The following SPTB variants were observed in gnomAD, a reference collection of about 807,000 sequenced individuals.
The protein encoded by SPTB is spectrin beta, erythrocytic.
A neutral mutation model predicts 256.2 loss-of-function variants in SPTB; 45 were observed. The ratio of observed to expected loss-of-function variants is 0.18; its 90% CI spans 0.14 to 0.23. The LOEUF (loss-of-function observed/expected upper bound fraction) is 0.23. Ranked by LOEUF, SPTB falls within the 10% of genes least tolerant of loss-of-function variation. The probability of loss-of-function intolerance (pLI) is 1.00; values close to 1 mark genes in which losing one functional copy is unlikely to be tolerated. For missense variants in SPTB, 2,715 were observed against 3,040.4 expected, an observed-to-expected ratio of 0.89 and a Z score of 2.52; for synonymous variants, 1,231 against 1,243.1, an observed-to-expected ratio of 0.99 and a Z score of 0.21.
In SPTB at chr14:64,847,797, C is replaced by G. The variant is rs761012056; in HGVS notation, c.-51-24652G>C. Among the ~76,000 whole-genome samples the G allele has an allele frequency of 6.6e-6, 1 of 152,198 alleles. No homozygotes were observed. The highest frequency in any genetic ancestry group is 6.5e-5 in the Admixed American group (1 of 15,288). On this transcript the variant is annotated intron_variant, in intron 1 of 35. Coordinates refer to ENST00000644917, the MANE Select transcript of SPTB (RefSeq NM_001355436.2). The surrounding 1 kb of genome is among the most constrained non-coding windows in gnomAD (Gnocchi z 5.9). The stretch of plus-strand genomic sequence containing the variant: ...CCCTTTGCTGTCGTGTCAGCCAGCA[C>G]AGAGCAGCTCTTGGGAAGCATGCCT...
At chr14:64,805,339 C>T (rs538708772) in intron 2 of SPTB, among the ~76,000 whole-genome samples, 9 of 152,258 alleles carry the variant, frequency 5.9e-5, no homozygotes, top group African/African-American at 1.9e-4. Flanking sequence ...AGTATCAGGA[C>T]ACCTCTAATT....
At position 64,749,208 on chromosome 14, in the gene SPTB, T is replaced by A. The variant is rs2081900801; in HGVS notation, c.*98A>T. 2.1e-6 allele frequency: 3 copies of A among 1,441,408 alleles called. No homozygotes were observed. The highest frequency in any genetic ancestry group is 2.8e-6 in the Non-Finnish European group (3 of 1,066,580). 89.3% of individuals were successfully genotyped at this position (1,441,408 alleles called of 1,614,324 possible). On this transcript the variant is annotated 3_prime_UTR_variant, in exon 36 of 36. Transcript: ENST00000644917. This position sits in a 1 kb window ranked among gnomAD's most constrained non-coding sequence, Gnocchi z 4.7. ...GGGGCCCGGCCCGCGACTCGACTCA[T>A]CTCGATTCGACCGGCGGGCGGCGGC...
chr14:64,842,659 A>G (rs1217731718), intron 1 of SPTB, among the ~76,000 whole-genome samples: 2 of 152,256 alleles, frequency 1.3e-5, no homozygotes, highest in Non-Finnish European at 2.9e-5. Context: ...TGTGTGGTCT[A>G]CAAACATTGC....
intron 8 of SPTB, 43 bp from the exon 9 acceptor site, chr14:64,799,977 G>A (rs1206802361): frequency 7.5e-6 from 12 of 1,604,190 alleles, no homozygotes; most frequent in Non-Finnish European, 1.0e-5. Context: ...GAAGGGCAAT[G>A]CCACCACTGA....
chr14:64,855,760 G>T (rs896603110), intron 1 of SPTB, among the ~76,000 whole-genome samples: 1 of 152,252 alleles, frequency 6.6e-6, no homozygotes, highest in Non-Finnish European at 1.5e-5. Context: ...GGGCCAGAGT[G>T]CCTGAGAGCA....
chr14:64,801,428 G>A, intron 6 of SPTB, 28 bp from the exon 7 acceptor site: 3 of 1,555,646 alleles, frequency 1.9e-6, no homozygotes, highest in South Asian at 2.2e-5. Context: ...CTGTGAAAAG[G>A]GAGTAGCCAC....
chr14:64,749,249 C>G lies in SPTB; in HGVS notation c.*57G>C. ...GGGCGGCGGCGAGAGGAGGCCAAGG[C>G]CTGGGCTGCCCGGTCTCTGCGCGTC... On this transcript the variant is annotated 3_prime_UTR_variant, in exon 36 of 36. Coordinates refer to ENST00000644917, the MANE Select transcript of SPTB (RefSeq NM_001355436.2). This position sits in a 1 kb window ranked among gnomAD's most constrained non-coding sequence, Gnocchi z 4.7. The G allele has an allele frequency of 6.5e-7, 1 of 1,533,670 alleles. No homozygotes were observed. Among genetic ancestry groups the G allele is most frequent in the Non-Finnish European group, 8.7e-7 (1 of 1,144,428 alleles).
chr14:64,809,269 A>G (rs1228537588), intron 2 of SPTB, among the ~76,000 whole-genome samples: 1 of 146,220 alleles, frequency 6.8e-6, no homozygotes, highest in African/African-American at 2.7e-5. Context: ...TATCAAAAAA[A>G]AAAAAAAAAA....
At position 64,785,422 on chromosome 14, in the gene SPTB, T is replaced by C. The variant is rs1252244964; in HGVS notation, c.3855+115A>G. 2 of 930,892 alleles carry C rather than the reference T, an allele frequency of 2.1e-6. No homozygotes were observed. Among genetic ancestry groups the C allele is most frequent in the Non-Finnish European group, 3.4e-6 (2 of 589,556 alleles). The allele number at this position is 930,892 out of a possible 1,614,324, so 57.7% of individuals were successfully genotyped here. On this transcript the variant is annotated intron_variant, in intron 18 of 35. Transcript: ENST00000644917. This position sits in a 1 kb window ranked among gnomAD's most constrained non-coding sequence, Gnocchi z 4.4. ...TTAAGTACCCAGAGGTCCCCGCTCA[T>C]GGAATCCCACAGCTCTTGAGCTAGA... is the stretch of plus-strand genomic sequence containing the variant.
intron 4 of SPTB, among the ~76,000 whole-genome samples, chr14:64,803,197 A>G (rs2082920346): frequency 6.6e-6 from 1 of 152,176 alleles, no homozygotes; most frequent in Admixed American, 6.5e-5. Flanking sequence ...TGGACTTTGA[A>G]TTTCAGGGTG....
rs555948514 is a variant in SPTB, at chr14:64,853,888, A to T, written c.-52+25904T>A. ...ATGACTCAAGAGACATTTATTAAAAATTTTTTTAGATACTTATCACTGGCC... is the reference window on the plus strand; with the variant it reads ...ATGACTCAAGAGACATTTATTAAAATTTTTTTTAGATACTTATCACTGGCC... On this transcript the variant is annotated intron_variant, in intron 1 of 35. Transcript: ENST00000644917. This position sits in a 1 kb window ranked among gnomAD's most constrained non-coding sequence, Gnocchi z 4.3. Among the ~76,000 whole-genome samples, 1 of 152,212 alleles carries T rather than the reference A, an allele frequency of 6.6e-6. No individual in the cohort carries two copies. Among genetic ancestry groups the T allele is most frequent in the East Asian group, 1.9e-4 (1 of 5,174 alleles).
intron 32 of SPTB, chr14:64,754,669 G>A (rs1272523876): frequency 6.6e-6 from 1 of 152,378 alleles, no homozygotes; most frequent in African/African-American, 2.4e-5. Context: ...TGGAGACCTG[G>A]GGATGCCTGG....
At chr14:64,875,792 C>T (rs1000272586) in intron 1 of SPTB, among the ~76,000 whole-genome samples, 3 of 152,224 alleles carry the variant, frequency 2.0e-5, no homozygotes, top group Non-Finnish European at 4.4e-5. Context: ...CCATGAACTT[C>T]CTTGCCAGTC....
chr14:64,783,737 T>C (rs1460527132), intron 19 of SPTB, among the ~76,000 whole-genome samples: 3 of 152,114 alleles, frequency 2.0e-5, no homozygotes, highest in Non-Finnish European at 2.9e-5. Flanking sequence ...CACATCTAAT[T>C]CCAGCCACAT....
rs185960263 is a variant in SPTB, at chr14:64,779,033, C to A, written c.4563+124G>T. The A allele has an allele frequency of 1.8e-3, 1,353 of 767,152 alleles. 10 individuals are homozygous for A. Among genetic ancestry groups the A allele is most frequent in the South Asian group, 2.9e-3 (187 of 64,914 alleles). 47.5% of individuals were successfully genotyped at this position (767,152 alleles called of 1,614,324 possible). ...CCAATACGGTTTGGAGACCCCAAAG[C>A]TACCAACAAGAACAATAATCTGCTG... On this transcript the variant is annotated intron_variant, in intron 22 of 35. Transcript: ENST00000644917. This position sits in a 1 kb window ranked among gnomAD's most constrained non-coding sequence, Gnocchi z 4.2.
chr14:64,808,312 C>T (rs1281165852), intron 2 of SPTB, among the ~76,000 whole-genome samples: 3 of 152,004 alleles, frequency 2.0e-5, no homozygotes, highest in Admixed American at 1.3e-4. Context: ...GTGCATGGCC[C>T]TCTCTGTTCC....
In SPTB at chr14:64,807,926, A is replaced by C. The variant is rs1438376187; in HGVS notation, c.149-2836T>G. On this transcript the variant is annotated intron_variant, in intron 2 of 35. Transcript: ENST00000644917. This position sits in a 1 kb window ranked among gnomAD's most constrained non-coding sequence, Gnocchi z 4.7. ...GCCAGGCCTTATTTCCAGAGCCCTA[A>C]CCCTGCCAGTGCAGGAAGGGGGTGA... 6.6e-6 allele frequency among the ~76,000 whole-genome samples: 1 copy of C among 152,208 alleles called. No individual in the cohort carries two copies. Among genetic ancestry groups the C allele is most frequent in the Non-Finnish European group, 1.5e-5 (1 of 68,038 alleles).
Position 64,822,963 on chromosome 14 carries a change from C to T in SPTB, c.132G>A (p.Arg44=). The change falls in exon 2 of 36, where the codon CGG becomes CGA. Residue 44 remains arginine (R), a synonymous_variant. Coordinates refer to ENST00000644917, the MANE Select transcript of SPTB (RefSeq NM_001355436.2). Reference sequence around the variant, plus strand: ...AAACAGTACCTGCCAAGGCCTTTATCCGGGACCTCTCAAAGAGCCTGGCTG... The same window carrying T: ...AAACAGTACCTGCCAAGGCCTTTATTCGGGACCTCTCAAAGAGCCTGGCTG... ...NSSARLFERS[R]IKALADEREV... is the part of the protein sequence containing the mutation. 1.2e-6 allele frequency: 2 copies of T among 1,613,702 alleles called. No homozygotes were observed.
intron 32 of SPTB, 164 bp downstream of exon 32, chr14:64,766,562 G>A: frequency 6.3e-7 from 1 of 1,576,076 alleles, no homozygotes; most frequent in Non-Finnish European, 8.6e-7. Flanking sequence ...CCTCAGTGAG[G>A]ACGTAGCCTG....
Sources: allele counts gnomAD v4.1 joint callset (sites outside exome capture counted in the v4.1 genomes callset), GRCh38; gene constraint gnomAD v4.1.1; non-coding constraint Gnocchi (gnomAD v3.1); transcripts MANE v1.5; gene names NCBI Gene and HGNC (gene_info 2026-07-23, HGNC 2026-07-21).